The following ROBO2 variants were observed in gnomAD, a reference collection of about 807,000 sequenced individuals.
ROBO2 encodes the protein roundabout homolog 2.
Under a neutral mutation model 160.8 loss-of-function variants are expected in ROBO2, and 53 were observed. The ratio of observed to expected loss-of-function variants is 0.33; its 90% CI spans 0.26 to 0.41. The LOEUF is 0.41. ROBO2 is among the 10% of genes least tolerant of loss of function. The pLI is 1.00. For synonymous variants in ROBO2, 664 were observed against 611.7 expected (o/e 1.09, Z -1.26); for missense variants, 1,577 against 1,722.4 (o/e 0.92, Z 1.49).
chr3:77,346,566 C>T (rs1019129122), intron 2 of ROBO2, among the ~76,000 whole-genome samples: 3 of 152,126 alleles, frequency 2.0e-5, no homozygotes, highest in South Asian at 2.1e-4. Context: ...AGTTTAGGCT[C>T]AGCTACCTTT....
chr3:77,045,341 A>C (rs2064535723), intron 1 of ROBO2, among the ~76,000 whole-genome samples: 1 of 152,118 alleles, frequency 6.6e-6, no homozygotes, highest in African/African-American at 2.4e-5. Flanking sequence ...GCCAATCCTT[A>C]GGCTCTTTCA....
intron 2 of ROBO2, among the ~76,000 whole-genome samples, chr3:76,249,836 G>A (rs62268397): frequency 0.12 from 18,818 of 152,062 alleles, 1,823 homozygotes; most frequent in East Asian, 0.41. Context: ...TTTGAAGAAT[G>A]TTGCTTCTAA....
intron 2 of ROBO2, among the ~76,000 whole-genome samples, chr3:75,993,922 G>A (rs988042465): frequency 5.9e-5 from 9 of 152,288 alleles, no homozygotes; most frequent in South Asian, 2.1e-4. Flanking sequence ...TTAGGAGCGT[G>A]TATGCTGTTT....
At chr3:77,494,872 A>G (rs1038200950) in intron 5 of ROBO2, among the ~76,000 whole-genome samples, 12 of 152,236 alleles carry the variant, frequency 7.9e-5, no homozygotes, top group African/African-American at 1.9e-4. Context: ...CAGGAATAAA[A>G]CAAGTGAAAA....
intron 2 of ROBO2, among the ~76,000 whole-genome samples, chr3:76,960,174 G>A (rs951500006): frequency 6.6e-6 from 1 of 150,836 alleles, no homozygotes; most frequent in Non-Finnish European, 1.5e-5. Context: ...AGGTTAAGAT[G>A]CAAAATCTTC....
chr3:76,222,410 A>C (rs1377436891), intron 2 of ROBO2, among the ~76,000 whole-genome samples: 1 of 152,184 alleles, frequency 6.6e-6, no homozygotes, highest in Non-Finnish European at 1.5e-5. Context: ...ACAAGTGTAC[A>C]TGTTGACCTT....
chr3:77,373,908 G>A (rs368988716), intron 2 of ROBO2, among the ~76,000 whole-genome samples: 1 of 150,010 alleles, frequency 6.7e-6, no homozygotes, highest in East Asian at 2.0e-4. Flanking sequence ...GCGATGGCTC[G>A]TGCCTGTAAT....
intron 2 of ROBO2, among the ~76,000 whole-genome samples, chr3:77,173,130 C>T (rs549191271): frequency 5.3e-5 from 8 of 152,122 alleles, no homozygotes; most frequent in East Asian, 1.9e-4. Context: ...AAATATTTAA[C>T]GACTTTGGAA....
At chr3:77,597,639 G>A (rs1409656831) in intron 19 of ROBO2, among the ~76,000 whole-genome samples, 1 of 152,050 alleles carries the variant, frequency 6.6e-6, no homozygotes, top group African/African-American at 2.4e-5. Context: ...CCAATTGGGA[G>A]TAAGAAAGCT....
At chr3:77,087,546 G>T (rs893811746) in intron 1 of ROBO2, among the ~76,000 whole-genome samples, 1 of 152,070 alleles carries the variant, frequency 6.6e-6, no homozygotes, top group African/African-American at 2.4e-5. Flanking sequence ...TAATACATTG[G>T]CTCCTCACTG....
chr3:77,249,117 C>G (rs1391611292), intron 2 of ROBO2, among the ~76,000 whole-genome samples: 1 of 152,100 alleles, frequency 6.6e-6, no homozygotes, highest in Non-Finnish European at 1.5e-5. Context: ...TCCCAAAGTT[C>G]TGGGATTACA....
At chr3:77,329,176 C>A (rs192275760) in intron 2 of ROBO2, among the ~76,000 whole-genome samples, 4 of 152,224 alleles carry the variant, frequency 2.6e-5, no homozygotes, top group Admixed American at 2.0e-4. Context: ...TAAAAAGAAG[C>A]AATCTGAAGC....
intron 2 of ROBO2, among the ~76,000 whole-genome samples, chr3:76,760,138 T>G (rs2061219695): frequency 1.3e-5 from 2 of 151,800 alleles, no homozygotes; most frequent in Non-Finnish European, 2.9e-5. Flanking sequence ...CGTACCCAGA[T>G]ATCATATCAG....
At chr3:76,153,528 C>T (rs936522086) in intron 2 of ROBO2, among the ~76,000 whole-genome samples, 4 of 152,062 alleles carry the variant, frequency 2.6e-5, no homozygotes, top group African/African-American at 7.2e-5. Flanking sequence ...GAACCCTAAA[C>T]CAAAATTTAT....
intron 3 of ROBO2, among the ~76,000 whole-genome samples, chr3:77,479,284 G>A (rs368779738): frequency 6.6e-6 from 1 of 152,166 alleles, no homozygotes; most frequent in East Asian, 1.9e-4. Context: ...CTGTCCAGTA[G>A]GCATGGTAAT....
Position 77,289,320 on chromosome 3 carries a change from A to G in ROBO2, c.389-188094A>G, listed in dbSNP as rs1454701979. 7.2e-5 allele frequency among the ~76,000 whole-genome samples: 11 copies of G among 152,314 alleles called. No homozygotes were observed. In the East Asian group the frequency reaches 1.9e-3, roughly 27 times the overall value. ...GGTTAAATGGGTAAGCTGAGGCTAG[A>G]GCACCAAAGACATAAAGTAAAATTG... On this transcript the variant is annotated intron_variant, in intron 2 of 25. Transcript: ENST00000461745.
chr3:76,558,770 T>C (rs1168321058), intron 2 of ROBO2, among the ~76,000 whole-genome samples: 2 of 152,128 alleles, frequency 1.3e-5, no homozygotes, highest in African/African-American at 4.8e-5. Context: ...GAACAATCGT[T>C]AGTATTACAT....
At position 76,371,992 on chromosome 3, in the gene ROBO2, A is replaced by G. The variant is rs146691243; in HGVS notation, c.109+434390A>G. Among the ~76,000 whole-genome samples, 220 of 152,004 alleles carry G rather than the reference A, an allele frequency of 1.4e-3. 2 individuals are homozygous for G. The highest frequency in any genetic ancestry group is 5.1e-3 in the African/African-American group (212 of 41,520). ...AGAGTGTTCCCCTACTTGATCTACA[A>G]GAAGAGCCACTTGATTGTCAACTGA... On this transcript the variant is annotated intron_variant, in intron 2 of 26. Coordinates refer to the ROBO2 transcript ENST00000487694.
chr3:76,476,061 G>A (rs1454500589), intron 2 of ROBO2, among the ~76,000 whole-genome samples: 1 of 152,284 alleles, frequency 6.6e-6, no homozygotes, highest in Non-Finnish European at 1.5e-5. Flanking sequence ...GCCGAGGCAG[G>A]AGAATCACTT....
Sources: gnomAD v4.1 joint callset for allele counts (sites outside exome capture counted in the v4.1 genomes callset) on GRCh38, gnomAD v4.1.1 for gene constraint, MANE v1.5 for transcripts, NCBI Gene and HGNC (gene_info 2026-07-23, HGNC 2026-07-21) for gene names.